Variants in ECPAS observed in about 807,000 individuals in gnomAD.
ECPAS encodes proteasome adapter and scaffold protein ECM29.
ECPAS carries 70 observed loss-of-function variants against 255.1 expected under a neutral mutation model. The observed-to-expected ratio is 0.27, with a 90% CI of 0.23 to 0.33. The LOEUF (loss-of-function observed/expected upper bound fraction) is 0.33. Among genes scored for constraint, ECPAS ranks in the 10% least tolerant of loss-of-function variants. ECPAS has a pLI of 1.00. For missense variants in ECPAS, 1,817 were observed against 2,206.4 expected (o/e 0.82, Z 3.54); for synonymous variants, 784 against 775.0 (o/e 1.01, Z -0.19).
chr9:111,428,861 C>T (rs1262152785), intron 9 of ECPAS, among the ~76,000 whole-genome samples: 1 of 152,166 alleles, frequency 6.6e-6, no homozygotes, highest in Non-Finnish European at 1.5e-5. Flanking sequence ...CTCCCTTGTC[C>T]TTATATGCTT....
intron 23 of ECPAS, 111 bp downstream of exon 23, chr9:111,409,930 A>T: frequency 1.2e-6 from 1 of 806,410 alleles, no homozygotes; most frequent in Non-Finnish European, 1.9e-6. Context: ...TTTTTACATT[A>T]AATCCTTCCT....
At chr9:111,469,780 G>C (rs1406046496) in intron 2 of ECPAS, among the ~76,000 whole-genome samples, 4 of 151,970 alleles carry the variant, frequency 2.6e-5, no homozygotes, top group Admixed American at 6.5e-5. Context: ...CTGCACTCCA[G>C]CCTGAGTGAC....
intron 9 of ECPAS, among the ~76,000 whole-genome samples, chr9:111,429,701 T>TG (rs1191104991): frequency 6.6e-6 from 1 of 152,222 alleles, no homozygotes; most frequent in Admixed American, 6.5e-5. Flanking sequence ...CAAGTATTTA[T>TG]GGTTTAAAAA....
Position 111,425,740 on chromosome 9 carries a change from T to TA in ECPAS, c.1136+2dup. 1 of 1,514,234 alleles carries TA rather than the reference T, an allele frequency of 6.6e-7. No individual in the cohort carries two copies. The highest frequency in any genetic ancestry group is 9.1e-7 in the Non-Finnish European group (1 of 1,094,720). The allele number at this position is 1,514,234 out of a possible 1,614,324, so 93.8% of individuals were successfully genotyped here. A position where few individuals can be genotyped will look rare whatever the true frequency, so the allele number is the denominator to read the frequency against. ...TTTATAGTTAAAATAGTTAAAGACT[T>TA]ACGTTATACAAATATGATGCACAAA... is the stretch of plus-strand genomic sequence containing the variant. On this transcript the variant is annotated splice_region_variant and intron_variant, in intron 11 of 49. Coordinates refer to ENST00000684092, the MANE Select transcript of ECPAS (RefSeq NM_001364929.1).
intron 25 of ECPAS, among the ~76,000 whole-genome samples, chr9:111,396,627 T>C (rs1032941286): frequency 2.6e-5 from 4 of 152,116 alleles, no homozygotes; most frequent in Admixed American, 1.3e-4. Context: ...CTCAGCTCAC[T>C]TGCAACCTCC....
chr9:111,384,499 C>T (rs776907902), intron 34 of ECPAS, 23 bp downstream of exon 34: 12 of 1,608,802 alleles, frequency 7.5e-6, no homozygotes, highest in African/African-American at 1.3e-5. Context: ...CACTCCATTC[C>T]CAATGTAAGA....
chr9:111,473,449 C>T (rs905502434), intron 1 of ECPAS, among the ~76,000 whole-genome samples: 24 of 152,174 alleles, frequency 1.6e-4, no homozygotes, highest in African/African-American at 2.4e-4. Flanking sequence ...TAACCCCGGC[C>T]ACCGCTGACC....
intron 24 of ECPAS, 101 bp from the exon 25 acceptor site, chr9:111,397,254 T>C: frequency 6.9e-7 from 1 of 1,443,838 alleles, no homozygotes; most frequent in Non-Finnish European, 9.4e-7. Flanking sequence ...TGAGCATGTT[T>C]TGTTTTCACT....
intron 2 of ECPAS, among the ~76,000 whole-genome samples, chr9:111,470,919 A>G (rs975854331): frequency 6.6e-5 from 10 of 152,174 alleles, no homozygotes; most frequent in African/African-American, 2.4e-4. Flanking sequence ...CCCCAGAGAC[A>G]GCAGCTGGCA....
At chr9:111,439,785 T>C (rs951030041) in intron 6 of ECPAS, among the ~76,000 whole-genome samples, 8 of 151,664 alleles carry the variant, frequency 5.3e-5, no homozygotes, top group African/African-American at 7.3e-5. Context: ...GGGAAAAGCA[T>C]AGAGAGGGGG....
chr9:111,424,063 C>T (rs2098218058), intron 12 of ECPAS, among the ~76,000 whole-genome samples: 1 of 152,172 alleles, frequency 6.6e-6, no homozygotes, highest in African/African-American at 2.4e-5. Flanking sequence ...AGCCCCAGAA[C>T]ATTTTCATTT....
At chr9:111,404,475 T>C (rs2131679352) in intron 24 of ECPAS, among the ~76,000 whole-genome samples, 1 of 148,270 alleles carries the variant, frequency 6.7e-6, no homozygotes, top group South Asian at 2.2e-4. Context: ...TAATCCCCAA[T>C]GTTGGAGGAG....
intron 28 of ECPAS, among the ~76,000 whole-genome samples, chr9:111,392,233 A>G (rs2098161271): frequency 6.6e-6 from 1 of 152,134 alleles, no homozygotes; most frequent in Non-Finnish European, 1.5e-5. Context: ...GAGCAAGACT[A>G]CAACAACAAC....
At chr9:111,456,347 C>T (rs2098266935) in intron 2 of ECPAS, among the ~76,000 whole-genome samples, 1 of 152,102 alleles carries the variant, frequency 6.6e-6, no homozygotes, top group African/African-American at 2.4e-5. Context: ...TAAGGACTTG[C>T]CCAAGGTCAC....
chr9:111,480,841 T>C lies in ECPAS; in HGVS notation c.-83+3275A>G, dbSNP rs1040498137. Among the ~76,000 whole-genome samples the C allele has an allele frequency of 4.6e-5, 7 of 152,234 alleles. No homozygotes were observed. In the South Asian group the frequency reaches 1.4e-3, roughly 31 times the overall value. ...GAAGAAGGCAAGGATTGGAATTATT[T>C]GTTCCTAACTTTCCATTAGGTACTA... On this transcript the variant is annotated intron_variant, in intron 1 of 49. Coordinates refer to ENST00000684092, the MANE Select transcript of ECPAS (RefSeq NM_001364929.1).
At chr9:111,375,364 T>C (rs2098132191) in intron 37 of ECPAS, among the ~76,000 whole-genome samples, 162 bp from the exon 38 acceptor site, 1 of 152,114 alleles carries the variant, frequency 6.6e-6, no homozygotes, top group Non-Finnish European at 1.5e-5. Flanking sequence ...AAACCACTAT[T>C]GTACTACAAA....
chr9:111,437,190 T>C, intron 6 of ECPAS, 82 bp from the exon 7 acceptor site: 1 of 1,119,236 alleles, frequency 8.9e-7, no homozygotes, highest in South Asian at 2.4e-5. Flanking sequence ...TTCAATCATA[T>C]ACTGTCCTCC....
chr9:111,410,138 C>T lies in ECPAS; in HGVS notation c.2453G>A (p.Gly818Asp), dbSNP rs1339941366. Residue 818 changes from glycine to aspartate, a missense_variant, in exon 23 of 50, where the codon GGT (glycine) becomes GAT (aspartate). Gly to Asp is a moderately conservative substitution (Grantham distance 94). Around this residue, in one of 4 missense-constraint regions of ECPAS, gnomAD observed 194 missense variants for 152.8 expected, o/e 1.27. Transcript: ENST00000684092. ...CTALGEIGRN[G>D]PLPIPSEGSG... Reference sequence around the variant, plus strand: ...TCCCTCACTGGGGATTGGAAGTGGACCATTTCTGCCAATTTCACCCAGGGC... The same window carrying T: ...TCCCTCACTGGGGATTGGAAGTGGATCATTTCTGCCAATTTCACCCAGGGC... The T allele has an allele frequency of 6.2e-7, 1 of 1,612,002 alleles. No individual in the cohort carries two copies. The highest frequency in any genetic ancestry group is 8.5e-7 in the Non-Finnish European group (1 of 1,179,132).
intron 39 of ECPAS, among the ~76,000 whole-genome samples, 165 bp from the exon 40 acceptor site, chr9:111,373,571 T>C (rs1435875043): frequency 6.6e-6 from 1 of 152,178 alleles, no homozygotes; most frequent in Non-Finnish European, 1.5e-5. Context: ...TCCTTTTACA[T>C]GATATAAAGT....
Sources: allele counts gnomAD v4.1 joint callset (sites outside exome capture counted in the v4.1 genomes callset), GRCh38; gene constraint gnomAD v4.1.1; regional missense constraint gnomAD v4.1.1; transcripts MANE v1.5; gene names NCBI Gene and HGNC (gene_info 2026-07-23, HGNC 2026-07-21).